The following MRPS30 variants were observed in gnomAD, a reference collection of about 807,000 sequenced individuals.
The protein encoded by MRPS30 is mitochondrial ribosomal protein S30, also known as large ribosomal subunit protein mL65.
MRPS30 carries 42 observed loss-of-function variants against 43.8 expected under a neutral mutation model. That is an observed-to-expected ratio of 0.96 (90% CI 0.75 to 1.24). The LOEUF (loss-of-function observed/expected upper bound fraction) is 1.24. MRPS30 is among the 50% of genes most tolerant of loss of function. The probability of loss-of-function intolerance (pLI) is 0.00; values close to 1 mark genes in which losing one functional copy is unlikely to be tolerated. For synonymous variants in MRPS30, 273 were observed against 228.2 expected, an observed-to-expected ratio of 1.20 and a Z score of -1.77; for missense variants, 638 against 570.0, an observed-to-expected ratio of 1.12 and a Z score of -1.22.
In MRPS30 at chr5:44,814,986, C is replaced by A; in HGVS notation, c.1104C>A (p.Ser368=). 6.2e-7 allele frequency: 1 copy of A among 1,613,748 alleles called. No homozygotes were observed. Among genetic ancestry groups the A allele is most frequent in the South Asian group, 1.1e-5 (1 of 91,066 alleles). ...QAVITDGKYF[S]FFCYQLNTLA... ...TGATCACAGATGGAAAATACTTTTC[C>A]TTTTTCTGCTACCAGCTAAATACTT... is the stretch of plus-strand genomic sequence containing the variant. Residue 368 remains serine (S), a synonymous_variant, in exon 5 of 5, where the codon TCC becomes TCA. Coordinates refer to ENST00000507110, the MANE Select transcript of MRPS30 (RefSeq NM_016640.4).
chr5:44,809,389 C>T lies in MRPS30; in HGVS notation c.427C>T (p.Arg143Cys), dbSNP rs1221994260. 3 of 1,609,656 alleles carry T rather than the reference C, an allele frequency of 1.9e-6. No individual in the cohort carries two copies. Among genetic ancestry groups the T allele is most frequent in the East Asian group, 2.2e-5 (1 of 44,712 alleles). The change falls in exon 1 of 5, where the codon CGT becomes TGT. Residue 143 changes from arginine to cysteine, a missense_variant. Arg to Cys is a radical substitution (Grantham distance 180). Coordinates refer to ENST00000507110, the MANE Select transcript of MRPS30 (RefSeq NM_016640.4). ...PEPALDLAALRAVACDCLLQE... is the reference protein window; with the variant it reads ...PEPALDLAALCAVACDCLLQE... ...ACCTGCGCTGGACCTCGCGGCGCTG[C>T]GTGCGGTCGCCTGCGACTGCCTGCT... is the stretch of plus-strand genomic sequence containing the variant.
rs780968560 is a variant in MRPS30, at chr5:44,811,009, A to C, written c.602A>C (p.Asp201Ala). The change falls in exon 2 of 5, where the codon GAT (aspartate) becomes GCT (alanine). Residue 201 changes from aspartate (D) to alanine (A), a missense_variant and splice_region_variant. Asp to Ala is a moderately radical substitution (Grantham distance 126). Transcript: ENST00000507110. Reference protein sequence around the residue: ...HNPALAAAALDYRCPVHFYWV... With the variant: ...HNPALAAAALAYRCPVHFYWV... ...AAAATTTTGAATATCTTTTTGATAG[A>C]TTATAGATGCCCAGTTCATTTTTAC... is the stretch of plus-strand genomic sequence containing the variant. The C allele has an allele frequency of 6.2e-6, 10 of 1,613,232 alleles. No individual in the cohort carries two copies. The highest frequency in any genetic ancestry group is 7.6e-6 in the Non-Finnish European group (9 of 1,179,594).
Position 44,815,420 on chromosome 5 carries a change from A to G in MRPS30, c.*218A>G. On this transcript the variant is annotated 3_prime_UTR_variant, in exon 5 of 5. Transcript: ENST00000507110. Reference sequence around the variant, plus strand: ...GATTTAAAAATAATTGCATTTGTATATTGCTAACTGATAAGACAAATTGAG... The same window carrying G: ...GATTTAAAAATAATTGCATTTGTATGTTGCTAACTGATAAGACAAATTGAG... The G allele has an allele frequency of 2.3e-6, 1 of 433,434 alleles. No homozygotes were observed. Among genetic ancestry groups the G allele is most frequent in the Non-Finnish European group, 4.0e-6 (1 of 247,086 alleles). 26.8% of individuals were successfully genotyped at this position (433,434 alleles called of 1,614,324 possible). A position where few individuals can be genotyped will look rare whatever the true frequency, so the allele number is the denominator to read the frequency against.
chr5:44,814,222 G>A (rs898743793), intron 4 of MRPS30, among the ~76,000 whole-genome samples: 1 of 152,228 alleles, frequency 6.6e-6, no homozygotes, highest in Non-Finnish European at 1.5e-5. Flanking sequence ...AAAACCTGAA[G>A]TAATGTAATA....
Position 44,815,384 on chromosome 5 carries a change from T to C in MRPS30, c.*182T>C. On this transcript the variant is annotated 3_prime_UTR_variant, in exon 5 of 5. Coordinates refer to ENST00000507110, the MANE Select transcript of MRPS30 (RefSeq NM_016640.4). ...CATCACTGAAAGATTTAATTTTAGT[T>C]ACCTTTTGTTGATTTAAAAATAATT... The C allele has an allele frequency of 1.9e-6, 1 of 538,392 alleles. No homozygotes were observed. The highest frequency in any genetic ancestry group is 1.9e-5 in the African/African-American group (1 of 52,318). 33.4% of individuals were successfully genotyped at this position (538,392 alleles called of 1,614,324 possible).
At position 44,809,770 on chromosome 5, in the gene MRPS30, C is replaced by T. The variant is rs147631250; in HGVS notation, c.601+207C>T. 231 of 563,842 alleles carry T rather than the reference C, an allele frequency of 4.1e-4. 2 individuals carry two copies. The East Asian group carries it at 6.9e-3, about 17-fold the overall frequency. The allele number at this position is 563,842 out of a possible 1,614,324, so 34.9% of individuals were successfully genotyped here. A position where few individuals can be genotyped will look rare whatever the true frequency, so the allele number is the denominator to read the frequency against. The stretch of plus-strand genomic sequence containing the variant: ...TAGGTGTGTGTGGCTGCGCTAACAC[C>T]TACCAGCTCTTCAACTCTGAAAGCC... On this transcript the variant is annotated intron_variant, in intron 1 of 4. Transcript: ENST00000507110.
rs750752336 is a variant in MRPS30, at chr5:44,809,551, G to C, written c.589G>C (p.Ala197Pro). The C allele has an allele frequency of 2.5e-6, 4 of 1,596,532 alleles. No individual in the cohort carries two copies. The highest frequency in any genetic ancestry group is 1.1e-5 in the South Asian group (1 of 88,506). ...LLSPHNPALA[A>P]AALDYRCPVH... ...CAGCCCACACAACCCGGCCCTGGCC[G>C]CTGCCGCCCTCGGTGAGCCTTGGAT... The change falls in exon 1 of 5, where the codon GCT becomes CCT. Residue 197 changes from alanine (A) to proline (P), a missense_variant. Transcript: ENST00000507110.
rs185421321 is a variant in MRPS30 at position 44,814,864 on chromosome 5, G to T, written c.1031-49G>T. On this transcript the variant is annotated intron_variant, in intron 4 of 4. Coordinates refer to ENST00000507110, the MANE Select transcript of MRPS30 (RefSeq NM_016640.4). The stretch of plus-strand genomic sequence containing the variant: ...AATGTCTAATGTGATTGTTTTGTTT[G>T]GGTAAGATATATTCTATGTGTAAAT... The T allele has an allele frequency of 0.012, 18,386 of 1,494,508 alleles. 146 individuals carry two copies. Among genetic ancestry groups the T allele is most frequent in the Non-Finnish European group, 0.014 (15,530 of 1,102,010 alleles). 92.6% of individuals were successfully genotyped at this position (1,494,508 alleles called of 1,614,324 possible). A position where few individuals can be genotyped will look rare whatever the true frequency, so the allele number is the denominator to read the frequency against.
rs1187759985 is a variant in MRPS30, at chr5:44,813,259, C to A, written c.1007C>A (p.Thr336Asn). 6.2e-7 allele frequency: 1 copy of A among 1,605,822 alleles called. No homozygotes were observed. The highest frequency in any genetic ancestry group is 8.5e-7 in the Non-Finnish European group (1 of 1,177,286). The stretch of plus-strand genomic sequence containing the variant: ...GCTATTGCAAGCCTTTTTGCTTGGA[C>A]TGGAGCACAAGCTATGTATCAAGGT... ...ANAIASLFAW[T>N]GAQAMYQGFW... The change falls in exon 4 of 5, where the codon ACT (threonine) becomes AAT (asparagine). Residue 336 changes from threonine (T) to asparagine (N), a missense_variant. By Grantham distance (65) the Thr-to-Asn change is moderately conservative (BLOSUM62 0). Transcript: ENST00000507110.
Position 44,809,556 on chromosome 5 carries a change from C to A in MRPS30, c.594C>A (p.Ala198=). The A allele has an allele frequency of 5.0e-6, 8 of 1,594,088 alleles. No homozygotes were observed. Among genetic ancestry groups the A allele is most frequent in the Non-Finnish European group, 6.8e-6 (8 of 1,170,426 alleles). ...LSPHNPALAA[A]ALDYRCPVHF... ...CACACAACCCGGCCCTGGCCGCTGC[C>A]GCCCTCGGTGAGCCTTGGATTCCGC... The change falls in exon 1 of 5, where the codon GCC becomes GCA. Residue 198 remains alanine, a synonymous_variant. Coordinates refer to ENST00000507110, the MANE Select transcript of MRPS30 (RefSeq NM_016640.4).
rs1205657287 is a variant in MRPS30, at chr5:44,809,299, G to A, written c.337G>A (p.Val113Met). The change falls in exon 1 of 5, where the codon GTG (valine) becomes ATG (methionine). Residue 113 changes from valine to methionine, a missense_variant. Transcript: ENST00000507110. ...DRWYQYFTKT[V>M]FLSGLPPPPA... The stretch of plus-strand genomic sequence containing the variant: ...CTGGTACCAGTACTTCACCAAGACC[G>A]TGTTCCTGTCGGGTCTGCCGCCGCC... The A allele has an allele frequency of 1.9e-6, 3 of 1,613,082 alleles. No homozygotes were observed. Among genetic ancestry groups the A allele is most frequent in the South Asian group, 2.2e-5 (2 of 91,038 alleles).
rs1342041356 is a variant in MRPS30, at chr5:44,809,433, G to A, written c.471G>A (p.Leu157=). The A allele has an allele frequency of 6.2e-7, 1 of 1,613,570 alleles. No individual in the cohort carries two copies. Among genetic ancestry groups the A allele is most frequent in the Admixed American group, 1.7e-5 (1 of 59,998 alleles). Residue 157 remains leucine (L), a synonymous_variant, in exon 1 of 5, where the codon CTG becomes CTA. Coordinates refer to ENST00000507110, the MANE Select transcript of MRPS30 (RefSeq NM_016640.4). The stretch of plus-strand genomic sequence containing the variant: ...GCCTGCTGCAGGAGCACTTCTACCT[G>A]CGGCGCAGGCGGCGCGTGCACCGTT... The part of the protein sequence containing the change: ...CDCLLQEHFY[L]RRRRRVHRYE...
Position 44,811,045 on chromosome 5 carries a change from G to A in MRPS30, c.638G>A (p.Gly213Asp). 2 of 1,614,004 alleles carry A rather than the reference G, an allele frequency of 1.2e-6. No homozygotes were observed. The highest frequency in any genetic ancestry group is 1.7e-6 in the Non-Finnish European group (2 of 1,179,922). Residue 213 changes from glycine to aspartate, a missense_variant, in exon 2 of 5, where the codon GGT (glycine) becomes GAT (aspartate). By Grantham distance (94) the Gly-to-Asp change is moderately conservative (BLOSUM62 -1). Transcript: ENST00000507110. The part of the protein sequence containing the change: ...RCPVHFYWVR[G>D]EEIIPRGHRR... ...CCAGTTCATTTTTACTGGGTGCGTGGTGAAGAAATTATTCCTCGTGGTCAT... is the reference window on the plus strand; with the variant it reads ...CCAGTTCATTTTTACTGGGTGCGTGATGAAGAAATTATTCCTCGTGGTCAT...
chr5:44,810,405 A>G (rs556331757), intron 1 of MRPS30, among the ~76,000 whole-genome samples: 1 of 152,324 alleles, frequency 6.6e-6, no homozygotes, highest in East Asian at 1.9e-4. Flanking sequence ...TAATTTTAAA[A>G]ATTATTGTTT....
rs372322665 is a variant in MRPS30, at chr5:44,809,349, C to T, written c.387C>T (p.Pro129=). The change falls in exon 1 of 5, where the codon CCC becomes CCT. Residue 129 remains proline, a synonymous_variant. Transcript: ENST00000507110. ...PPPPAEPEPE[P]EPEPEPALDL... is the part of the protein sequence containing the mutation. The stretch of plus-strand genomic sequence containing the variant: ...CCCCAGCGGAGCCCGAGCCCGAGCC[C>T]GAACCCGAACCTGAACCTGCGCTGG... 29 of 1,607,960 alleles carry T rather than the reference C, an allele frequency of 1.8e-5. No individual in the cohort carries two copies. The highest frequency in any genetic ancestry group is 3.4e-5 in the Admixed American group (2 of 59,238).
chr5:44,815,056 A>G lies in MRPS30; in HGVS notation c.1174A>G (p.Ile392Val), dbSNP rs1455831953. Residue 392 changes from isoleucine (I) to valine (V), a missense_variant, in exon 5 of 5, where the codon ATA becomes GTA. Ile to Val is a conservative substitution (Grantham distance 29). Coordinates refer to ENST00000507110, the MANE Select transcript of MRPS30 (RefSeq NM_016640.4). ...TGATCAAAATAACCCTCGTAAAAAT[A>G]TATGTTGGGGTACACAAAGTAAGCC... Reference protein sequence around the residue: ...QADQNNPRKNICWGTQSKPLY... With the variant: ...QADQNNPRKNVCWGTQSKPLY... 1.9e-6 allele frequency: 3 copies of G among 1,613,894 alleles called. No homozygotes were observed. Among genetic ancestry groups the G allele is most frequent in the Non-Finnish European group, 2.5e-6 (3 of 1,179,822 alleles).
chr5:44,811,095 C>A lies in MRPS30; in HGVS notation c.688C>A (p.Arg230=), dbSNP rs756672162. ...TCGAAGAGGTCGAATTGATGACTTG[C>A]GATACCAGATAGATGATAAACCAAA... is the stretch of plus-strand genomic sequence containing the variant. The part of the protein sequence containing the change: ...GHRRGRIDDL[R]YQIDDKPNNQ... Residue 230 remains arginine (R), a synonymous_variant, in exon 2 of 5, where the codon CGA becomes AGA. Transcript: ENST00000507110. The A allele has an allele frequency of 6.2e-7, 1 of 1,613,812 alleles. No homozygotes were observed. Among genetic ancestry groups the A allele is most frequent in the Non-Finnish European group, 8.5e-7 (1 of 1,179,904 alleles).
In MRPS30 at chr5:44,809,000, G is replaced by T. The variant is rs746712881; in HGVS notation, c.38G>T (p.Gly13Val). 7.5e-6 allele frequency: 12 copies of T among 1,609,170 alleles called. No homozygotes were observed. The African/African-American group carries it at 1.6e-4, about 21-fold the overall frequency. The change falls in exon 1 of 5, where the codon GGT becomes GTT. Residue 13 changes from glycine (G) to valine (V), a missense_variant. Transcript: ENST00000507110. ...AARCWRPLLRGPRLSLHTAAN... is the reference protein window; with the variant it reads ...AARCWRPLLRVPRLSLHTAAN... ...AGGTGTTGGAGGCCTTTGCTACGCGGTCCGAGGCTTTCATTGCACACCGCG... is the reference window on the plus strand; with the variant it reads ...AGGTGTTGGAGGCCTTTGCTACGCGTTCCGAGGCTTTCATTGCACACCGCG...
In MRPS30 at chr5:44,809,075, C is replaced by G. The variant is rs749274124; in HGVS notation, c.113C>G (p.Ala38Gly). Reference protein sequence around the residue: ...ATETTCQDVAATPVARYPPIV... With the variant: ...ATETTCQDVAGTPVARYPPIV... ...GAAACGACCTGCCAAGACGTCGCGGCGACCCCCGTCGCGCGGTACCCGCCG... is the reference window on the plus strand; with the variant it reads ...GAAACGACCTGCCAAGACGTCGCGGGGACCCCCGTCGCGCGGTACCCGCCG... The change falls in exon 1 of 5, where the codon GCG becomes GGG. Residue 38 changes from alanine to glycine, a missense_variant. Physicochemically the swap from Ala to Gly is moderately conservative, Grantham distance 60. Coordinates refer to ENST00000507110, the MANE Select transcript of MRPS30 (RefSeq NM_016640.4). 7 of 1,608,904 alleles carry G rather than the reference C, an allele frequency of 4.4e-6. No homozygotes were observed. The South Asian group carries it at 7.7e-5, about 18-fold the overall frequency.
Sources: allele counts gnomAD v4.1 joint callset (sites outside exome capture counted in the v4.1 genomes callset), GRCh38; gene constraint gnomAD v4.1.1; transcripts MANE v1.5; gene names NCBI Gene and HGNC (gene_info 2026-07-23, HGNC 2026-07-21).